Variants in SETBP1 observed in about 807,000 individuals in gnomAD.
The protein encoded by SETBP1 is SET-binding protein.
Under a neutral mutation model 101.0 loss-of-function variants are expected in SETBP1, and 9 were observed. That is an observed-to-expected ratio of 0.09 (90% CI 0.05 to 0.16). The LOEUF is 0.16. SETBP1 is among the 10% of genes least tolerant of loss of function. The pLI, the probability that SETBP1 is intolerant of heterozygous loss-of-function variation, is 1.00. For synonymous variants in SETBP1, 818 were observed against 788.5 expected, an observed-to-expected ratio of 1.04 and a Z score of -0.63; for missense variants, 1,858 against 2,033.8, an observed-to-expected ratio of 0.91 and a Z score of 1.66.
chr18:44,856,276 T>C (rs1000480117), intron 2 of SETBP1, among the ~76,000 whole-genome samples: 3 of 152,208 alleles, frequency 2.0e-5, no homozygotes, highest in African/African-American at 7.2e-5. Flanking sequence ...CAAGCTGAGC[T>C]CCCATCTGTC....
intron 4 of SETBP1, among the ~76,000 whole-genome samples, chr18:44,996,597 CT>C (rs1283714911): frequency 6.6e-6 from 1 of 152,250 alleles, no homozygotes; most frequent in Non-Finnish European, 1.5e-5. Context: ...ATCGAACTTT[CT>C]GATTTCCAAA....
In SETBP1 at chr18:44,915,537, T is replaced by G. The variant is rs150039878; in HGVS notation, c.541-34344T>G. Among the ~76,000 whole-genome samples the G allele has an allele frequency of 2.6e-3, 401 of 152,222 alleles. 2 individuals carry two copies. Among genetic ancestry groups the G allele is most frequent in the Non-Finnish European group, 4.1e-3 (280 of 68,002 alleles). On this transcript the variant is annotated intron_variant, in intron 3 of 5. Transcript: ENST00000649279. ...GAAAAAAGACAAAAACACATAAAAA[T>G]AATAGCTAACAACTAAGGACTCAAA...
At chr18:44,882,437 C>T (rs2069550509) in intron 3 of SETBP1, among the ~76,000 whole-genome samples, 1 of 151,812 alleles carries the variant, frequency 6.6e-6, no homozygotes, top group South Asian at 2.1e-4. Context: ...TCATCTGGGG[C>T]CACAGCTTGA....
intron 2 of SETBP1, among the ~76,000 whole-genome samples, chr18:44,779,502 CA>C (rs930038445): frequency 2.0e-5 from 3 of 152,040 alleles, no homozygotes; most frequent in African/African-American, 7.2e-5. Flanking sequence ...GTGAGTCTTG[CA>C]GTTTCTTTTT....
chr18:44,950,554 C>T lies in SETBP1; in HGVS notation c.1214C>T (p.Pro405Leu). ...NDSSHVRITI[P>L]IKAPSLDPTN... ...TCAAGTCATGTCCGGATTACTATCC[C>T]CATCAAGGCACCCTCTCTGGATCCA... Residue 405 changes from proline (P) to leucine (L), a missense_variant, in exon 4 of 6, where the codon CCC becomes CTC. Around this residue, in one of 12 missense-constraint regions of SETBP1, gnomAD observed 581 missense variants for 535.1 expected, o/e 1.09. Coordinates refer to ENST00000649279, the MANE Select transcript of SETBP1 (RefSeq NM_015559.3). 1 of 1,614,078 alleles carries T rather than the reference C, an allele frequency of 6.2e-7. No homozygotes were observed. Among genetic ancestry groups the T allele is most frequent in the Non-Finnish European group, 8.5e-7 (1 of 1,180,026 alleles).
At chr18:44,876,959 C>A in intron 3 of SETBP1, 1 of 1,268,342 alleles carries the variant, frequency 7.9e-7, no homozygotes, top group Non-Finnish European at 9.9e-7. Context: ...AGAGATAATG[C>A]ATTAGGCGGC....
Position 44,844,407 on chromosome 18 carries a change from TAG to T in SETBP1, c.487-24817_487-24816del, listed in dbSNP as rs1417005178. Among the ~76,000 whole-genome samples the T allele has an allele frequency of 2.1e-5, 3 of 146,068 alleles. No individual in the cohort carries two copies. The East Asian group carries it at 6.6e-4, about 32-fold the overall frequency. On this transcript the variant is annotated intron_variant, in intron 2 of 5. Coordinates refer to ENST00000649279, the MANE Select transcript of SETBP1 (RefSeq NM_015559.3). ...CCTACTGCATTGCTCTGACTTCAAC[TAG>T]AGAGACATACTTCCTGCTTCTTACT...
Position 45,038,543 on chromosome 18 carries a change from C to T in SETBP1, c.4059C>T (p.Gly1353=). 1 of 1,614,166 alleles carries T rather than the reference C, an allele frequency of 6.2e-7. No homozygotes were observed. The highest frequency in any genetic ancestry group is 8.5e-7 in the Non-Finnish European group (1 of 1,180,022). The part of the protein sequence containing the change: ...DQTAVHSKNE[G]SVPTMMTRKK... The stretch of plus-strand genomic sequence containing the variant: ...CAGCAGTGCATAGTAAGAACGAAGG[C>T]TCAGTGCCCACCATGATGACCAGGA... The change falls in exon 5 of 6, where the codon GGC becomes GGT. Residue 1353 remains glycine, a synonymous_variant. Transcript: ENST00000649279.
Position 44,952,688 on chromosome 18 carries a change from C to T in SETBP1, c.3348C>T (p.His1116=), listed in dbSNP as rs751477476. The part of the protein sequence containing the change: ...AAKHKAKHGV[H]LQGPVSMGLG... ...AGCATAAAGCCAAGCATGGAGTACA[C>T]CTGCAGGGACCTGTTAGCATGGGCC... is the stretch of plus-strand genomic sequence containing the variant. The change falls in exon 4 of 6, where the codon CAC becomes CAT. Residue 1116 remains histidine, a synonymous_variant. Coordinates refer to ENST00000649279, the MANE Select transcript of SETBP1 (RefSeq NM_015559.3). 9 of 1,614,016 alleles carry T rather than the reference C, an allele frequency of 5.6e-6. No homozygotes were observed. The highest frequency in any genetic ancestry group is 7.6e-6 in the Non-Finnish European group (9 of 1,180,032).
intron 3 of SETBP1, among the ~76,000 whole-genome samples, chr18:44,926,192 A>G (rs970749037): frequency 1.3e-5 from 2 of 152,100 alleles, no homozygotes; most frequent in Non-Finnish European, 2.9e-5. Context: ...CTTGGCTTCC[A>G]AAAGTGCTGA....
intron 2 of SETBP1, among the ~76,000 whole-genome samples, chr18:44,834,111 G>T (rs1172670361): frequency 6.6e-6 from 1 of 152,134 alleles, no homozygotes; most frequent in African/African-American, 2.4e-5. Flanking sequence ...CTCAGGGAAG[G>T]CATTAAACTC....
rs550972229 is a variant in SETBP1, at chr18:44,804,495, G to A, written c.487-64735G>A. On this transcript the variant is annotated intron_variant, in intron 2 of 5. Coordinates refer to ENST00000649279, the MANE Select transcript of SETBP1 (RefSeq NM_015559.3). ...GTAGAATAGGGTAAGAGAGCTGTTC[G>A]AAAGTAATCCTGTGGCTAACTTATT... 3.3e-5 allele frequency among the ~76,000 whole-genome samples: 5 copies of A among 152,204 alleles called. No individual in the cohort carries two copies. The South Asian group carries it at 6.2e-4, about 19-fold the overall frequency.
At chr18:44,890,471 C>A (rs1944277) in intron 3 of SETBP1, among the ~76,000 whole-genome samples, 12,814 of 152,190 alleles carry the variant, frequency 0.084, 641 homozygotes, top group East Asian at 0.15. Flanking sequence ...GGGGAAGGCT[C>A]TTCCATGGGA....
At chr18:44,931,195 T>C (rs1356931512) in intron 3 of SETBP1, among the ~76,000 whole-genome samples, 1 of 152,250 alleles carries the variant, frequency 6.6e-6, no homozygotes, top group African/African-American at 2.4e-5. Context: ...TTTCATTATG[T>C]ACCCAGTAGT....
At chr18:44,850,577 G>A (rs2072832333) in intron 2 of SETBP1, among the ~76,000 whole-genome samples, 1 of 151,962 alleles carries the variant, frequency 6.6e-6, no homozygotes, top group African/African-American at 2.4e-5. Context: ...CACCATATTG[G>A]TCAGGCTGGT....
intron 2 of SETBP1, among the ~76,000 whole-genome samples, chr18:44,731,726 A>C (rs1376276826): frequency 2.6e-5 from 4 of 152,188 alleles, no homozygotes; most frequent in Non-Finnish European, 4.4e-5. Flanking sequence ...GCAATTAAAC[A>C]GACATTGGTC....
At position 44,712,021 on chromosome 18, in the gene SETBP1, T is replaced by A. The variant is rs550780171; in HGVS notation, c.486+10189T>A. Among the ~76,000 whole-genome samples, 3 of 152,364 alleles carry A rather than the reference T, an allele frequency of 2.0e-5. No individual in the cohort carries two copies. In the South Asian group the frequency reaches 6.2e-4, roughly 32 times the overall value. On this transcript the variant is annotated intron_variant, in intron 2 of 5. Coordinates refer to ENST00000649279, the MANE Select transcript of SETBP1 (RefSeq NM_015559.3). Reference sequence around the variant, plus strand: ...CTTCCCTCACCTCCCCACCAGCCTGTGACCTCACACGGGAAACAATGGAGA... The same window carrying A: ...CTTCCCTCACCTCCCCACCAGCCTGAGACCTCACACGGGAAACAATGGAGA...
intron 5 of SETBP1, among the ~76,000 whole-genome samples, chr18:45,040,523 T>C (rs1429376855): frequency 2.0e-5 from 3 of 152,200 alleles, no homozygotes; most frequent in Admixed American, 1.3e-4. Context: ...TCTTTATGGA[T>C]TGAGAAATTA....
At chr18:44,823,304 GT>G (rs2072159358) in intron 2 of SETBP1, among the ~76,000 whole-genome samples, 1 of 152,172 alleles carries the variant, frequency 6.6e-6, no homozygotes, top group Non-Finnish European at 1.5e-5. Flanking sequence ...CCCTGGATTT[GT>G]TTTCTTACAG....
Sources: gnomAD v4.1 joint callset for allele counts (sites outside exome capture counted in the v4.1 genomes callset) on GRCh38, gnomAD v4.1.1 for gene constraint, gnomAD v4.1.1 regional missense constraint, MANE v1.5 for transcripts, NCBI Gene and HGNC (gene_info 2026-07-23, HGNC 2026-07-21) for gene names.